Variants in FBXL4 observed in about 807,000 individuals in gnomAD.
The protein encoded by FBXL4 is F-box and leucine rich repeat protein 4.
A neutral mutation model predicts 58.9 loss-of-function variants in FBXL4; 40 were observed. The observed-to-expected ratio is 0.68, with a 90% CI of 0.53 to 0.88. FBXL4 has a LOEUF of 0.88. Among genes scored for constraint, FBXL4 ranks in the 40% least tolerant of loss-of-function variants. The pLI is 0.00. For synonymous variants in FBXL4, 263 were observed against 265.5 expected (o/e 0.99, Z 0.09); for missense variants, 676 against 734.4 (o/e 0.92, Z 0.92).
At position 98,917,449 on chromosome 6, in the gene FBXL4, A is replaced by T. The variant is rs1178591974; in HGVS notation, c.783T>A (p.Ser261Arg). 1 of 1,613,996 alleles carries T rather than the reference A, an allele frequency of 6.2e-7. No individual in the cohort carries two copies. The highest frequency in any genetic ancestry group is 1.1e-5 in the South Asian group (1 of 91,046). Residue 261 changes from serine (S) to arginine (R), a missense_variant, in exon 5 of 10, where the codon AGT (serine) becomes AGA (arginine). Coordinates refer to ENST00000369244, the MANE Select transcript of FBXL4 (RefSeq NM_001278716.2). ...YAEKDGCGMD[S>R]LNKKFSSAVL... The stretch of plus-strand genomic sequence containing the variant: ...CAGCACTGCTAAACTTTTTGTTAAG[A>T]CTGTCCATTCCACAACCATCCTTTT...
Position 98,874,351 on chromosome 6 carries a change from A to G in FBXL4, c.1793T>C (p.Ile598Thr), listed in dbSNP as rs1279095117. Residue 598 changes from isoleucine (I) to threonine (T), a missense_variant, in exon 10 of 10, where the codon ATT becomes ACT. Ile to Thr is a moderately conservative substitution (Grantham distance 89, BLOSUM62 -1). Coordinates refer to ENST00000369244, the MANE Select transcript of FBXL4 (RefSeq NM_001278716.2). ...SLLDVSFCSQ[I>T]DNRAVLELNA... ...CAGTTCTAGCACAGCTCTGTTATCA[A>G]TCTGCGAACAGAAGGACACATCAAG... is the stretch of plus-strand genomic sequence containing the variant. 2 of 1,613,214 alleles carry G rather than the reference A, an allele frequency of 1.2e-6. No individual in the cohort carries two copies. Among genetic ancestry groups the G allele is most frequent in the African/African-American group, 1.3e-5 (1 of 74,968 alleles).
At chr6:98,881,513 C>G (rs1235260195) in intron 7 of FBXL4, among the ~76,000 whole-genome samples, 1 of 151,656 alleles carries the variant, frequency 6.6e-6, no homozygotes, top group Non-Finnish European at 1.5e-5. Flanking sequence ...AAATCTGTTC[C>G]AAGTGATCAG....
At chr6:98,934,630 G>A (rs1182742935) in intron 2 of FBXL4, 132 bp downstream of exon 2, 3 of 152,114 alleles carry the variant, frequency 2.0e-5, no homozygotes, top group Non-Finnish European at 4.4e-5. Context: ...AACTACTCAG[G>A]ATGGTATCTT....
At chr6:98,911,488 A>C (rs56125730) in intron 5 of FBXL4, among the ~76,000 whole-genome samples, 21 of 152,348 alleles carry the variant, frequency 1.4e-4, no homozygotes, top group Non-Finnish European at 2.6e-4. Context: ...CAAAACTTCC[A>C]GAGAAATGAT....
chr6:98,910,698 C>T (rs371389368), intron 5 of FBXL4, among the ~76,000 whole-genome samples: 32 of 151,806 alleles, frequency 2.1e-4, no homozygotes, highest in Middle Eastern at 3.4e-3. Flanking sequence ...GGGGGAGGAG[C>T]CAAGATGGCC....
At chr6:98,917,987 G>A (rs1205684748) in intron 4 of FBXL4, among the ~76,000 whole-genome samples, 1 of 152,186 alleles carries the variant, frequency 6.6e-6, no homozygotes, top group East Asian at 1.9e-4. Flanking sequence ...TGTAGTTAGA[G>A]GTATCTGAAC....
At chr6:98,932,597 G>A (rs1274984630) in intron 2 of FBXL4, among the ~76,000 whole-genome samples, 1 of 152,148 alleles carries the variant, frequency 6.6e-6, no homozygotes, top group Non-Finnish European at 1.5e-5. Flanking sequence ...AGGATGGCAG[G>A]AGCTGCCGAG....
At chr6:98,914,175 C>G (rs1324354306) in intron 5 of FBXL4, among the ~76,000 whole-genome samples, 1 of 152,048 alleles carries the variant, frequency 6.6e-6, no homozygotes, top group Non-Finnish European at 1.5e-5. Flanking sequence ...CAATAATCAA[C>G]AGCTTACCAA....
At chr6:98,888,540 A>G (rs559421990) in intron 7 of FBXL4, among the ~76,000 whole-genome samples, 6 of 152,270 alleles carry the variant, frequency 3.9e-5, no homozygotes, top group Admixed American at 1.3e-4. Context: ...AATTCTATGA[A>G]CCTCTTATTT....
rs187185721 is a variant in FBXL4, at chr6:98,913,815, C to A, written c.858+3559G>T. 2.7e-3 allele frequency among the ~76,000 whole-genome samples: 405 copies of A among 152,180 alleles called. 4 individuals are homozygous for A. The highest frequency in any genetic ancestry group is 8.5e-3 in the African/African-American group (354 of 41,514). On this transcript the variant is annotated intron_variant, in intron 5 of 9. Coordinates refer to ENST00000369244, the MANE Select transcript of FBXL4 (RefSeq NM_001278716.2). ...GCAGAAGGCAAGACATAACTAAAAT[C>A]AGAGCAGAACTGAAGGAAATAGAGA... is the stretch of plus-strand genomic sequence containing the variant.
chr6:98,898,920 C>T (rs1771503060), intron 7 of FBXL4: 2 of 985,406 alleles, frequency 2.0e-6, no homozygotes, highest in Non-Finnish European at 2.4e-6. Flanking sequence ...CTTCCTCCCA[C>T]TGCAAGCAAA....
In FBXL4 at chr6:98,868,676, G is replaced by C. The variant is rs1025701649; in HGVS notation, c.*5602C>G. ...TACAGACAACTTCATTTGTAACAGA[G>C]ACTTGTTTTATCTTTAGTGTATTCT... is the stretch of plus-strand genomic sequence containing the variant. On this transcript the variant is annotated 3_prime_UTR_variant, in exon 10 of 10. Transcript: ENST00000369244. The C allele has an allele frequency of 2.0e-5, 3 of 152,104 alleles. No individual in the cohort carries two copies. The East Asian group carries it at 5.8e-4, about 29-fold the overall frequency. 9.4% of individuals were successfully genotyped at this position (152,104 alleles called of 1,614,324 possible).
chr6:98,899,910 A>T (rs934498613), intron 6 of FBXL4, among the ~76,000 whole-genome samples: 1 of 152,174 alleles, frequency 6.6e-6, no homozygotes, highest in Non-Finnish European at 1.5e-5. Context: ...AACACTGCAC[A>T]CGAAAGTAAC....
intron 2 of FBXL4, among the ~76,000 whole-genome samples, chr6:98,931,116 T>C (rs1772995320): frequency 6.6e-6 from 1 of 152,228 alleles, no homozygotes; most frequent in Non-Finnish European, 1.5e-5. Flanking sequence ...CACTTCTCAC[T>C]CCACGGTCTA....
intron 5 of FBXL4, among the ~76,000 whole-genome samples, chr6:98,909,699 C>G (rs774027557): frequency 1.3e-5 from 2 of 152,210 alleles, no homozygotes; most frequent in African/African-American, 2.4e-5. Context: ...CCGCAGAGCC[C>G]TGAGGAGCAA....
intron 7 of FBXL4, among the ~76,000 whole-genome samples, chr6:98,891,301 T>C (rs1405616176): frequency 2.0e-5 from 3 of 152,204 alleles, no homozygotes; most frequent in East Asian, 3.8e-4. Flanking sequence ...TAACTGTAGA[T>C]GTTTAATAGC....
intron 4 of FBXL4, among the ~76,000 whole-genome samples, chr6:98,919,710 G>A (rs1417929767): frequency 2.0e-5 from 3 of 152,174 alleles, no homozygotes; most frequent in Admixed American, 6.5e-5. Context: ...TAGCCATATA[G>A]GTGCTAGGGA....
intron 8 of FBXL4, among the ~76,000 whole-genome samples, chr6:98,876,712 G>A (rs989719628): frequency 1.3e-5 from 2 of 152,072 alleles, no homozygotes; most frequent in African/African-American, 2.4e-5. Context: ...AGAGTGTCAC[G>A]GGTTGAGGGA....
At chr6:98,917,796 C>A in intron 4 of FBXL4, 77 bp from the exon 5 acceptor site, 1 of 956,282 alleles carries the variant, frequency 1.0e-6, no homozygotes, top group Non-Finnish European at 1.6e-6. Flanking sequence ...AGACCCATGC[C>A]CAATATGTCA....
Sources: allele counts gnomAD v4.1 joint callset (sites outside exome capture counted in the v4.1 genomes callset), GRCh38; gene constraint gnomAD v4.1.1; transcripts MANE v1.5; gene names NCBI Gene and HGNC (gene_info 2026-07-23, HGNC 2026-07-21).